The following PLXNA4 variants were observed in gnomAD, a reference collection of about 807,000 sequenced individuals.
The protein encoded by PLXNA4 is plexin A4, also known as plexin-A4.
In PLXNA4, 44 loss-of-function variants were observed where a neutral mutation model predicts 191.8. The observed-to-expected ratio is 0.23, with a 90% confidence interval of 0.18 to 0.29. PLXNA4 has a LOEUF of 0.29. PLXNA4 is among the 10% of genes least tolerant of loss of function. PLXNA4 has a pLI of 1.00. For synonymous variants in PLXNA4, 1,082 were observed against 1,009.5 expected (o/e 1.07, Z -1.36); for missense variants, 1,800 against 2,488.8 (o/e 0.72, Z 5.89).
At chr7:132,399,462 T>C (rs1421526951) in intron 3 of PLXNA4, among the ~76,000 whole-genome samples, 1 of 152,212 alleles carries the variant, frequency 6.6e-6, no homozygotes, top group Non-Finnish European at 1.5e-5. Context: ...AGTCACGTTA[T>C]ATTAAGGCAG....
Position 132,276,610 on chromosome 7 carries a change from C to T in PLXNA4, c.1503+21481G>A, listed in dbSNP as rs557618841. Among the ~76,000 whole-genome samples, 26 of 152,218 alleles carry T rather than the reference C, an allele frequency of 1.7e-4. No individual in the cohort carries two copies. The East Asian group carries it at 3.1e-3, about 18-fold the overall frequency. On this transcript the variant is annotated intron_variant, in intron 4 of 31. Transcript: ENST00000321063. ...CCCCAGAAATCTGCAGGTTTCTTGC[C>T]GTTCCCACTCTTCCCCTTTGCCCTG...
chr7:132,484,664 T>C (rs979811951), intron 3 of PLXNA4: 29 of 1,301,996 alleles, frequency 2.2e-5, no homozygotes, highest in Non-Finnish European at 2.1e-6. Context: ...CAAATACATA[T>C]GCCCTCTGCC....
chr7:132,370,067 C>CAAA (rs368638967), intron 3 of PLXNA4, among the ~76,000 whole-genome samples: 1 of 111,096 alleles, frequency 9.0e-6, no homozygotes, highest in Non-Finnish European at 2.1e-5. Context: ...GACTCTGACT[C>CAAA]AAAAAAAAAA....
At chr7:132,297,552 C>A (rs114958873) in intron 4 of PLXNA4, among the ~76,000 whole-genome samples, 274 of 152,278 alleles carry the variant, frequency 1.8e-3, no homozygotes, top group African/African-American at 6.1e-3. Flanking sequence ...GGGTGGGCTC[C>A]ATGGCATTTG....
At chr7:132,265,670 C>T (rs987897743) in intron 4 of PLXNA4, among the ~76,000 whole-genome samples, 5 of 152,250 alleles carry the variant, frequency 3.3e-5, no homozygotes, top group East Asian at 3.9e-4. Flanking sequence ...GTAGCAGAAG[C>T]GAGCGTACAC....
At chr7:132,540,569 CTTTTTTTTTTTTTTTTT>C (rs71915138) in intron 1 of PLXNA4, among the ~76,000 whole-genome samples, 3 of 60,976 alleles carry the variant, frequency 4.9e-5, no homozygotes, top group South Asian at 2.1e-3. Context: ...GTGGACCGTT[CTTTTTTTTTTTTTTTTT>C]TTTTTTTTTT....
chr7:132,248,801 A>T (rs1385065379), intron 4 of PLXNA4, among the ~76,000 whole-genome samples: 1 of 152,184 alleles, frequency 6.6e-6, no homozygotes, highest in African/African-American at 2.4e-5. Context: ...AGAAGCAAAG[A>T]TGTGCTTCAG....
intron 1 of PLXNA4, among the ~76,000 whole-genome samples, chr7:132,509,734 T>C (rs1798632910): frequency 6.6e-6 from 1 of 152,190 alleles, no homozygotes; most frequent in Non-Finnish European, 1.5e-5. Flanking sequence ...TTACAGCCAC[T>C]ACCTCCAGTT....
chr7:132,307,932 C>T (rs968873974), intron 3 of PLXNA4, among the ~76,000 whole-genome samples: 1 of 152,146 alleles, frequency 6.6e-6, no homozygotes, highest in African/African-American at 2.4e-5. Flanking sequence ...CCAGGACAAT[C>T]GGTCCCTTTG....
At chr7:132,421,498 T>A (rs1013153303) in intron 3 of PLXNA4, among the ~76,000 whole-genome samples, 1 of 152,140 alleles carries the variant, frequency 6.6e-6, no homozygotes, top group African/African-American at 2.4e-5. Context: ...TACTATGGTG[T>A]CAGGGCAACC....
intron 3 of PLXNA4, among the ~76,000 whole-genome samples, chr7:132,312,173 T>G (rs922311398): frequency 6.6e-6 from 1 of 151,472 alleles, no homozygotes; most frequent in Non-Finnish European, 1.5e-5. Flanking sequence ...ATAATAATAA[T>G]AAGTGCCTGT....
At chr7:132,645,134 G>A (rs1054680901) in intron 2 of PLXNA4, among the ~76,000 whole-genome samples, 2 of 152,184 alleles carry the variant, frequency 1.3e-5, no homozygotes, top group African/African-American at 4.8e-5. Flanking sequence ...AACCTACAAT[G>A]TAACCAGATG....
At chr7:132,364,978 C>A (rs113939471) in intron 3 of PLXNA4, among the ~76,000 whole-genome samples, 4 of 152,206 alleles carry the variant, frequency 2.6e-5, no homozygotes, top group African/African-American at 9.6e-5. Flanking sequence ...GGGTTATTGT[C>A]CCATGCCAAT....
chr7:132,602,922 G>A (rs559625783), intron 2 of PLXNA4, among the ~76,000 whole-genome samples: 8 of 152,220 alleles, frequency 5.3e-5, no homozygotes, highest in Middle Eastern at 3.4e-3. Flanking sequence ...CTATGAACCA[G>A]AAGAAACATG....
intron 3 of PLXNA4, among the ~76,000 whole-genome samples, chr7:132,365,356 T>TGCGCACGC (rs1382113654): frequency 1.1e-5 from 1 of 87,670 alleles, no homozygotes; most frequent in African/African-American, 5.7e-5. Context: ...TGTGTGTGTG[T>TGCGCACGC]GTGTGCGTGC....
At chr7:132,478,900 C>T (rs1052725363) in intron 3 of PLXNA4, among the ~76,000 whole-genome samples, 5 of 152,230 alleles carry the variant, frequency 3.3e-5, no homozygotes, top group Admixed American at 2.6e-4. Context: ...CCATCTCTTT[C>T]CTTCCAACCT....
chr7:132,569,616 A>T (rs1801884058), intron 1 of PLXNA4, among the ~76,000 whole-genome samples: 1 of 152,214 alleles, frequency 6.6e-6, no homozygotes, highest in South Asian at 2.1e-4. Flanking sequence ...ACATAAAATG[A>T]TTTTTCCCAA....
At chr7:132,607,427 C>A (rs987509346) in intron 2 of PLXNA4, among the ~76,000 whole-genome samples, 3 of 152,198 alleles carry the variant, frequency 2.0e-5, no homozygotes, top group African/African-American at 7.2e-5. Context: ...CAGAGCACAA[C>A]AAAAGAGCAG....
At chr7:132,374,967 T>C (rs1804598994) in intron 3 of PLXNA4, among the ~76,000 whole-genome samples, 1 of 152,214 alleles carries the variant, frequency 6.6e-6, no homozygotes, top group East Asian at 1.9e-4. Flanking sequence ...AGAGGTCTGA[T>C]GGACAATGTG....
Sources: allele counts gnomAD v4.1 joint callset (sites outside exome capture counted in the v4.1 genomes callset), GRCh38; gene constraint gnomAD v4.1.1; transcripts MANE v1.5; gene names NCBI Gene and HGNC (gene_info 2026-07-23, HGNC 2026-07-21).